The following PICALM variants were observed in gnomAD, a reference collection of about 807,000 sequenced individuals.
The protein encoded by PICALM is phosphatidylinositol-binding clathrin assembly protein.
Under a neutral mutation model 80.5 loss-of-function variants are expected in PICALM, and 40 were observed. That is an observed-to-expected ratio of 0.50 (90% confidence interval 0.39 to 0.65). The LOEUF is 0.65. Ranked by LOEUF, PICALM falls within the 30% of genes least tolerant of loss-of-function variation. The pLI is 0.00. For missense variants in PICALM, 676 were observed against 778.9 expected (o/e 0.87, Z 1.57); for synonymous variants, 288 against 260.3 (o/e 1.11, Z -1.02).
intron 1 of PICALM, among the ~76,000 whole-genome samples, chr11:86,039,092 C>A (rs58937798): frequency 0.22 from 31,269 of 141,526 alleles, 3,577 homozygotes; most frequent in African/African-American, 0.26. Context: ...GTCTGGGCAA[C>A]AGAGTGAGAC....
rs1348096146 is a variant in PICALM at position 86,019,160 on chromosome 11, T to C, written c.452+3207A>G. On this transcript the variant is annotated intron_variant, in intron 4 of 19. Transcript: ENST00000393346. ...AAAAAAATCTTAATAAATCAAACTTTACTACTTACAATGAGAGTCCTCTCC... is the reference window on the plus strand; with the variant it reads ...AAAAAAATCTTAATAAATCAAACTTCACTACTTACAATGAGAGTCCTCTCC... 2.6e-5 allele frequency among the ~76,000 whole-genome samples: 4 copies of C among 152,350 alleles called. No homozygotes were observed. The South Asian group carries it at 6.2e-4, about 24-fold the overall frequency.
At chr11:86,060,741 A>AC (rs939858610) in intron 1 of PICALM, among the ~76,000 whole-genome samples, 9 of 151,930 alleles carry the variant, frequency 5.9e-5, no homozygotes, top group African/African-American at 1.9e-4. Context: ...CAGGCAAAAA[A>AC]AAAAAAAATG....
chr11:85,996,084 G>C (rs944024987), intron 12 of PICALM, among the ~76,000 whole-genome samples: 1 of 151,944 alleles, frequency 6.6e-6, no homozygotes, highest in African/African-American at 2.4e-5. Context: ...TGCCTTCACA[G>C]AGCTTACTTT....
chr11:86,007,956 A>G (rs1350776096), intron 7 of PICALM, among the ~76,000 whole-genome samples: 1 of 139,694 alleles, frequency 7.2e-6, no homozygotes, highest in Non-Finnish European at 1.6e-5. Context: ...TCTTTGATGC[A>G]AAAAAAAAAA....
chr11:85,975,592 C>CTTTTTTTTT (rs11407535), intron 18 of PICALM, among the ~76,000 whole-genome samples: 7 of 89,636 alleles, frequency 7.8e-5, no homozygotes, highest in Admixed American at 1.7e-4. Context: ...TCTCAGCAGA[C>CTTTTTTTTT]TTTTTTTTTT....
At chr11:85,964,178 A>T (rs375717245) in intron 19 of PICALM, among the ~76,000 whole-genome samples, 2 of 152,216 alleles carry the variant, frequency 1.3e-5, no homozygotes, top group East Asian at 1.9e-4. Flanking sequence ...AAAGCTTATG[A>T]AAGACTAAAT....
intron 3 of PICALM, among the ~76,000 whole-genome samples, chr11:86,025,543 A>AT (rs75432315): frequency 1 from 152,247 of 152,250 alleles, 76,122 homozygotes; most frequent in Non-Finnish European, 1. Context: ...GAAAGCAAAT[A>AT]TTACATAGCA....
chr11:86,032,791 A>G (rs1403445569), intron 1 of PICALM, among the ~76,000 whole-genome samples: 1 of 152,212 alleles, frequency 6.6e-6, no homozygotes, highest in Non-Finnish European at 1.5e-5. Flanking sequence ...TTCACTTTTA[A>G]TCTTCAGTGT....
At chr11:86,013,883 A>G (rs1452836819) in intron 5 of PICALM, among the ~76,000 whole-genome samples, 1 of 152,204 alleles carries the variant, frequency 6.6e-6, no homozygotes, top group African/African-American at 2.4e-5. Flanking sequence ...ACAGCCATAG[A>G]TAATATGTAT....
At chr11:85,963,337 T>C (rs911202999) in intron 19 of PICALM, among the ~76,000 whole-genome samples, 13 of 152,104 alleles carry the variant, frequency 8.5e-5, no homozygotes, top group African/African-American at 3.1e-4. Flanking sequence ...TACTATTACA[T>C]CACCAGGTAT....
At chr11:86,064,795 C>G (rs892431760) in intron 1 of PICALM, among the ~76,000 whole-genome samples, 1 of 151,284 alleles carries the variant, frequency 6.6e-6, no homozygotes, top group Non-Finnish European at 1.5e-5. Flanking sequence ...GGATAAGGGC[C>G]AGGCATGCTG....
intron 8 of PICALM, among the ~76,000 whole-genome samples, chr11:86,005,306 A>T (rs1670345729): frequency 6.6e-6 from 1 of 152,230 alleles, no homozygotes; most frequent in South Asian, 2.1e-4. Flanking sequence ...GCTTACAAAT[A>T]AAAATATTAA....
At chr11:85,962,810 A>C (rs1334012645) in intron 19 of PICALM, among the ~76,000 whole-genome samples, 1 of 152,242 alleles carries the variant, frequency 6.6e-6, no homozygotes, top group Non-Finnish European at 1.5e-5. Flanking sequence ...AACCATAGCC[A>C]GGGCTAGCTA....
chr11:86,031,423 A>G (rs1427916908), intron 2 of PICALM, 46 bp downstream of exon 2: 11 of 1,494,044 alleles, frequency 7.4e-6, no homozygotes, highest in Non-Finnish European at 1.0e-5. Context: ...CTAGCTAACA[A>G]TAAGTCAACA....
intron 4 of PICALM, among the ~76,000 whole-genome samples, chr11:86,018,541 G>A (rs949717050): frequency 6.6e-6 from 1 of 152,060 alleles, no homozygotes; most frequent in African/African-American, 2.4e-5. Flanking sequence ...ATTAAAAAAA[G>A]GGAATAAATC....
intron 2 of PICALM, among the ~76,000 whole-genome samples, chr11:86,029,345 A>G (rs1565472607): frequency 6.6e-6 from 1 of 152,196 alleles, no homozygotes; most frequent in African/African-American, 2.4e-5. Context: ...CTAACAAATT[A>G]ATGGCACCTG....
intron 2 of PICALM, among the ~76,000 whole-genome samples, 197 bp downstream of exon 2, chr11:86,031,272 G>C (rs2095747073): frequency 6.6e-6 from 1 of 152,184 alleles, no homozygotes; most frequent in Non-Finnish European, 1.5e-5. Flanking sequence ...CATTATTGAT[G>C]TCCTCTGTGC....
intron 1 of PICALM, among the ~76,000 whole-genome samples, chr11:86,058,968 C>T (rs1031010619): frequency 1.3e-5 from 2 of 152,138 alleles, no homozygotes; most frequent in Non-Finnish European, 2.9e-5. Context: ...GGAGCAGCTA[C>T]AAAAATTTTG....
chr11:85,986,637 G>A lies in PICALM; in HGVS notation c.1409-2664C>T, dbSNP rs1016733291. ...GATCTCCTGACCTCATGATCCACCC[G>A]CCTCGGCCTCCCAGAGTGCTGGGAT... On this transcript the variant is annotated intron_variant, in intron 13 of 19. Coordinates refer to ENST00000393346, the MANE Select transcript of PICALM (RefSeq NM_007166.4). Among the ~76,000 whole-genome samples, 41 of 152,028 alleles carry A rather than the reference G, an allele frequency of 2.7e-4. 1 individual carries two copies. Among genetic ancestry groups the A allele is most frequent in the African/African-American group, 8.9e-4 (37 of 41,484 alleles).
Sources: gnomAD v4.1 joint callset for allele counts (sites outside exome capture counted in the v4.1 genomes callset) on GRCh38, gnomAD v4.1.1 for gene constraint, MANE v1.5 for transcripts, NCBI Gene and HGNC (gene_info 2026-07-23, HGNC 2026-07-21) for gene names.